The following ADAMTSL3 variants were observed in gnomAD, a reference collection of about 807,000 sequenced individuals.
ADAMTSL3 encodes the protein ADAMTS-like protein 3.
A neutral mutation model predicts 201.7 loss-of-function variants in ADAMTSL3; 128 were observed. The ratio of observed to expected loss-of-function variants is 0.63; its 90% CI spans 0.55 to 0.73. The LOEUF is 0.73. Among genes scored for constraint, ADAMTSL3 ranks in the 30% least tolerant of loss-of-function variants. ADAMTSL3 has a pLI of 0.00. For missense variants in ADAMTSL3, 1,990 were observed against 2,119.6 expected, an observed-to-expected ratio of 0.94 and a Z score of 1.20; for synonymous variants, 738 against 748.4, an observed-to-expected ratio of 0.99 and a Z score of 0.23.
intron 2 of ADAMTSL3, among the ~76,000 whole-genome samples, chr15:83,694,690 C>G (rs1228954884): frequency 6.6e-6 from 1 of 152,142 alleles, no homozygotes; most frequent in South Asian, 2.1e-4. Context: ...TTAAATAACC[C>G]CTTGTGAAAT....
chr15:83,845,381 A>G (rs1218168268), intron 7 of ADAMTSL3, among the ~76,000 whole-genome samples: 1 of 152,224 alleles, frequency 6.6e-6, no homozygotes, highest in African/African-American at 2.4e-5. Flanking sequence ...AAATGAATAC[A>G]TGGCCTTCGC....
chr15:83,765,991 A>G lies in ADAMTSL3; in HGVS notation c.190-7532A>G, dbSNP rs375548658. Among the ~76,000 whole-genome samples, 24 of 152,254 alleles carry G rather than the reference A, an allele frequency of 1.6e-4. No individual in the cohort carries two copies. The East Asian group carries it at 2.5e-3, about 16-fold the overall frequency. ...TAAAAAGTGTTTGTAATTCCATCAC[A>G]ATTAGAAAACAGAGGTGAGCACAAA... On this transcript the variant is annotated intron_variant, in intron 3 of 29. Coordinates refer to ENST00000286744, the MANE Select transcript of ADAMTSL3 (RefSeq NM_207517.3).
intron 4 of ADAMTSL3, among the ~76,000 whole-genome samples, chr15:83,801,659 T>TATAA (rs1481743173): frequency 2.5e-5 from 1 of 39,826 alleles, no homozygotes; most frequent in Non-Finnish European, 4.9e-5. Flanking sequence ...TAAATATATA[T>TATAA]ATATATATAT....
At chr15:83,733,524 T>C (rs2062316762) in intron 3 of ADAMTSL3, among the ~76,000 whole-genome samples, 1 of 152,146 alleles carries the variant, frequency 6.6e-6, no homozygotes, top group African/African-American at 2.4e-5. Flanking sequence ...CTGTGTGCAT[T>C]ACATGGGTGG....
At chr15:83,717,296 C>G (rs569850065) in intron 3 of ADAMTSL3, 56 of 152,318 alleles carry the variant, frequency 3.7e-4, no homozygotes, top group African/African-American at 1.3e-3. Flanking sequence ...AATCTTGAAA[C>G]TAGAGAAGAG....
At chr15:84,022,700 T>TGCTG (rs1464187698) in intron 26 of ADAMTSL3, among the ~76,000 whole-genome samples, 3 of 152,228 alleles carry the variant, frequency 2.0e-5, no homozygotes, top group Non-Finnish European at 2.9e-5. Context: ...AGTAAATATT[T>TGCTG]GCTGACTGAC....
intron 2 of ADAMTSL3, among the ~76,000 whole-genome samples, chr15:83,699,447 C>A (rs887861385): frequency 1.3e-5 from 2 of 152,038 alleles, no homozygotes; most frequent in African/African-American, 4.8e-5. Context: ...ATCCATGCAC[C>A]TCTCCCCTTC....
At chr15:83,868,966 C>T (rs1028963993) in intron 8 of ADAMTSL3, among the ~76,000 whole-genome samples, 4 of 152,134 alleles carry the variant, frequency 2.6e-5, no homozygotes, top group Admixed American at 2.6e-4. Context: ...GATTTTTACA[C>T]CCCTTGCCCC....
At chr15:83,932,803 C>T (rs1050049192) in intron 17 of ADAMTSL3, among the ~76,000 whole-genome samples, 4 of 152,088 alleles carry the variant, frequency 2.6e-5, no homozygotes, top group African/African-American at 7.2e-5. Flanking sequence ...AGCTCATAAT[C>T]AAAATTTTTT....
At chr15:83,993,873 G>GC (rs2067629741) in intron 23 of ADAMTSL3, among the ~76,000 whole-genome samples, 3 of 152,162 alleles carry the variant, frequency 2.0e-5, no homozygotes, top group Non-Finnish European at 4.4e-5. Flanking sequence ...ATCAGTTGCT[G>GC]CATGTTTTAT....
At chr15:83,830,792 T>C (rs928641381) in intron 6 of ADAMTSL3, among the ~76,000 whole-genome samples, 8 of 152,208 alleles carry the variant, frequency 5.3e-5, no homozygotes, top group African/African-American at 1.9e-4. Flanking sequence ...TTCCAGCTTC[T>C]GGTGCTGGAA....
At position 83,970,593 on chromosome 15, in the gene ADAMTSL3, C is replaced by T. The variant is rs894182842; in HGVS notation, c.2600C>T (p.Pro867Leu). The T allele has an allele frequency of 1.2e-6, 2 of 1,614,190 alleles. No homozygotes were observed. The highest frequency in any genetic ancestry group is 2.2e-5 in the South Asian group (2 of 91,086). ...PLSEMMCRDL[P>L]GLPLVRSCQM... ...AGTGAGATGATGTGCAGGGATCTAC[C>T]AGGGCTCCCTCTTGTAAGATCTTGC... The change falls in exon 20 of 30, where the codon CCA (proline) becomes CTA (leucine). Residue 867 changes from proline (P) to leucine (L), a missense_variant. Physicochemically the swap from Pro to Leu is moderately conservative, Grantham distance 98. Transcript: ENST00000286744.
At chr15:83,750,129 C>A (rs1459102530) in intron 3 of ADAMTSL3, among the ~76,000 whole-genome samples, 1 of 152,160 alleles carries the variant, frequency 6.6e-6, no homozygotes, top group Non-Finnish European at 1.5e-5. Flanking sequence ...AAATTTGAAG[C>A]CAATGAATTA....
At position 83,890,164 on chromosome 15, in the gene ADAMTSL3, T is replaced by G. The variant is rs766102495; in HGVS notation, c.1128T>G (p.Pro376=). Residue 376 remains proline, a synonymous_variant, in exon 11 of 30, where the codon CCT becomes CCG. Coordinates refer to ENST00000286744, the MANE Select transcript of ADAMTSL3 (RefSeq NM_207517.3). ...CVDIRLKRVV[P]DHYCHYYPEN... ...ATATCCGCTTGAAGAGGGTAGTTCC[T>G]GACCATTATTGTCACTACTACCCTG... is the stretch of plus-strand genomic sequence containing the variant. 6.2e-7 allele frequency: 1 copy of G among 1,614,028 alleles called. No homozygotes were observed. Among genetic ancestry groups the G allele is most frequent in the Non-Finnish European group, 8.5e-7 (1 of 1,179,900 alleles).
At chr15:83,841,916 G>C (rs973040699) in intron 7 of ADAMTSL3, among the ~76,000 whole-genome samples, 1 of 151,792 alleles carries the variant, frequency 6.6e-6, no homozygotes, top group Non-Finnish European at 1.5e-5. Context: ...CACAGACGCC[G>C]ACAGGCCATT....
chr15:83,729,978 A>G (rs1263803845), intron 3 of ADAMTSL3, among the ~76,000 whole-genome samples: 1 of 152,076 alleles, frequency 6.6e-6, no homozygotes, highest in East Asian at 1.9e-4. Flanking sequence ...ACTTGCTTTA[A>G]TGGGCACCCC....
At chr15:84,032,473 T>C (rs955345113) in intron 28 of ADAMTSL3, among the ~76,000 whole-genome samples, 4 of 152,220 alleles carry the variant, frequency 2.6e-5, no homozygotes, top group African/African-American at 9.7e-5. Flanking sequence ...ACAGACAACC[T>C]AAGTTTCCTA....
chr15:83,743,207 C>G (rs145868322), intron 3 of ADAMTSL3, among the ~76,000 whole-genome samples: 221 of 152,244 alleles, frequency 1.5e-3, no homozygotes, highest in African/African-American at 5.0e-3. Flanking sequence ...AAATCAGGAA[C>G]CTGTCTAACA....
At chr15:83,911,889 G>A (rs1236969299) in intron 15 of ADAMTSL3, among the ~76,000 whole-genome samples, 3 of 152,042 alleles carry the variant, frequency 2.0e-5, no homozygotes, top group Admixed American at 2.0e-4. Context: ...ATAATCCCAC[G>A]GACAAGGGTC....
Sources: allele counts gnomAD v4.1 joint callset (sites outside exome capture counted in the v4.1 genomes callset), GRCh38; gene constraint gnomAD v4.1.1; transcripts MANE v1.5; gene names NCBI Gene and HGNC (gene_info 2026-07-23, HGNC 2026-07-21).